Variants in FOXO1 observed in about 807,000 individuals in gnomAD.
FOXO1 encodes forkhead box O1, also known as forkhead box protein O1.
A neutral mutation model predicts 44.1 loss-of-function variants in FOXO1; 6 were observed. The ratio of observed to expected loss-of-function variants is 0.14; its 90% CI spans 0.07 to 0.27. The LOEUF is 0.27. Among genes scored for constraint, FOXO1 ranks in the 10% least tolerant of loss-of-function variants. FOXO1 has a pLI of 1.00. For synonymous variants in FOXO1, 380 were observed against 362.7 expected, an observed-to-expected ratio of 1.05 and a Z score of -0.54; for missense variants, 737 against 888.8, an observed-to-expected ratio of 0.83 and a Z score of 2.17.
intron 1 of FOXO1, among the ~76,000 whole-genome samples, chr13:40,564,215 A>G (rs1874168297): frequency 6.6e-6 from 1 of 152,076 alleles, no homozygotes; most frequent in Non-Finnish European, 1.5e-5. Flanking sequence ...GAGACATAAT[A>G]AGGAAATCTT....
intron 1 of FOXO1, among the ~76,000 whole-genome samples, chr13:40,577,013 T>C (rs1018747314): frequency 6.6e-6 from 1 of 152,248 alleles, no homozygotes; most frequent in African/African-American, 2.4e-5. Flanking sequence ...CCATGGATTG[T>C]TCCACACAAA....
At chr13:40,576,999 G>A (rs377331496) in intron 1 of FOXO1, among the ~76,000 whole-genome samples, 1 of 152,210 alleles carries the variant, frequency 6.6e-6, no homozygotes, top group African/African-American at 2.4e-5. Context: ...GGCCTACAAT[G>A]TAACCATGGA....
chr13:40,618,994 T>C (rs541233045), intron 1 of FOXO1: 50 of 515,892 alleles, frequency 9.7e-5, no homozygotes, highest in South Asian at 6.9e-4. Context: ...ACTCGAGAAA[T>C]GGAACAAACT....
At chr13:40,618,905 G>C (rs140952791) in intron 1 of FOXO1, 117 of 524,944 alleles carry the variant, frequency 2.2e-4, no homozygotes, top group African/African-American at 2.0e-3. Context: ...TAATCTTTTA[G>C]GCTCCCCTAG....
intron 1 of FOXO1, among the ~76,000 whole-genome samples, chr13:40,573,490 A>G (rs908311180): frequency 2.0e-5 from 3 of 152,198 alleles, no homozygotes; most frequent in African/African-American, 7.2e-5. Context: ...GTCAGGTAGG[A>G]AAAAAGGGAT....
intron 1 of FOXO1, chr13:40,621,167 T>C (rs1876601153): frequency 5.8e-6 from 3 of 521,684 alleles, no homozygotes; most frequent in East Asian, 6.1e-5. Flanking sequence ...ACAGTATTGA[T>C]AGTGAACCAG....
rs527788428 is a variant in FOXO1, at chr13:40,558,600, T to C, written c.*449A>G. ...GTAGTACAAACAAAAGTTTAACTTA[T>C]CAAGACATGAGGCCCATCACAGTAT... On this transcript the variant is annotated 3_prime_UTR_variant, in exon 3 of 3. Coordinates refer to ENST00000379561, the MANE Select transcript of FOXO1 (RefSeq NM_002015.4). The C allele has an allele frequency of 1.3e-3, 456 of 359,134 alleles. 1 individual carries two copies. The highest frequency in any genetic ancestry group is 9.0e-4 in the South Asian group (6 of 6,696). The allele number at this position is 359,134 out of a possible 1,614,324, so 22.2% of individuals were successfully genotyped here.
intron 1 of FOXO1, among the ~76,000 whole-genome samples, chr13:40,647,178 G>A (rs1877537479): frequency 6.6e-6 from 1 of 152,122 alleles, no homozygotes; most frequent in Non-Finnish European, 1.5e-5. Flanking sequence ...CCAAGAGCAA[G>A]ACAATCTTTA....
chr13:40,644,657 T>C (rs1481765874), intron 1 of FOXO1, among the ~76,000 whole-genome samples: 1 of 152,182 alleles, frequency 6.6e-6, no homozygotes. Context: ...AATTCCCGGT[T>C]TGATTGGGTC....
chr13:40,564,994 A>AGTCGGGGAACCCCGACATGGTGTAGT (rs1566062532), intron 1 of FOXO1, among the ~76,000 whole-genome samples: 13 of 152,190 alleles, frequency 8.5e-5, no homozygotes, highest in East Asian at 3.9e-4. Flanking sequence ...GACATGGTGT[A>AGTCGGGGAACCCCGACATGGTGTAGT]CTTGCTTGTT....
At chr13:40,598,453 GAATGAACAAAAACAAACT>G (rs1162744464) in intron 1 of FOXO1, among the ~76,000 whole-genome samples, 1 of 151,582 alleles carries the variant, frequency 6.6e-6, no homozygotes, top group Admixed American at 6.6e-5. Flanking sequence ...AAAAACAAAC[GAATGAACAAAAACAAACT>G]AATGAAATCA....
At chr13:40,603,130 T>C (rs998985569) in intron 1 of FOXO1, among the ~76,000 whole-genome samples, 10 of 152,188 alleles carry the variant, frequency 6.6e-5, no homozygotes, top group African/African-American at 2.4e-4. Context: ...CAGCTTACGA[T>C]GCCTGTACCG....
intron 1 of FOXO1, among the ~76,000 whole-genome samples, chr13:40,629,648 A>C (rs1472393877): frequency 6.6e-6 from 1 of 152,190 alleles, no homozygotes; most frequent in African/African-American, 2.4e-5. Flanking sequence ...ATTTCCTTTG[A>C]GCATCATGTT....
chr13:40,568,130 C>T (rs1347497231), intron 1 of FOXO1, among the ~76,000 whole-genome samples: 1 of 152,136 alleles, frequency 6.6e-6, no homozygotes, highest in Admixed American at 6.5e-5. Flanking sequence ...CAGAGACCCC[C>T]AGCTACCTAG....
chr13:40,562,411 C>T (rs1265971808), intron 1 of FOXO1, among the ~76,000 whole-genome samples: 4 of 152,222 alleles, frequency 2.6e-5, no homozygotes, highest in African/African-American at 7.2e-5. Flanking sequence ...CTGCTACTTA[C>T]TTACCTAGGT....
chr13:40,606,157 C>T (rs895419382), intron 1 of FOXO1, among the ~76,000 whole-genome samples: 1 of 152,126 alleles, frequency 6.6e-6, no homozygotes, highest in Admixed American at 6.5e-5. Context: ...TGGTTTTAAA[C>T]CTATCAAGTT....
At chr13:40,616,519 G>A (rs1399226625) in intron 1 of FOXO1, among the ~76,000 whole-genome samples, 3 of 152,158 alleles carry the variant, frequency 2.0e-5, no homozygotes, top group African/African-American at 7.2e-5. Flanking sequence ...AGAAGAAGAG[G>A]GACCATGGAG....
intron 1 of FOXO1, among the ~76,000 whole-genome samples, chr13:40,632,426 C>A (rs1876997276): frequency 6.6e-6 from 1 of 152,004 alleles, no homozygotes; most frequent in Non-Finnish European, 1.5e-5. Context: ...CCACTTGAGC[C>A]CCGGAGTTCG....
At chr13:40,573,393 C>G (rs186670658) in intron 1 of FOXO1, among the ~76,000 whole-genome samples, 3 of 152,230 alleles carry the variant, frequency 2.0e-5, no homozygotes, top group Admixed American at 2.0e-4. Context: ...CTGGAAGGCT[C>G]CAAGTTGAGT....
Sources: allele counts gnomAD v4.1 joint callset (sites outside exome capture counted in the v4.1 genomes callset), GRCh38; gene constraint gnomAD v4.1.1; transcripts MANE v1.5; gene names NCBI Gene and HGNC (gene_info 2026-07-23, HGNC 2026-07-21).